MYOF: variants seen among roughly 807,000 people sequenced by gnomAD.
MYOF encodes myoferlin.
In MYOF, 244 loss-of-function variants were observed where a neutral mutation model predicts 284.2. The observed-to-expected ratio is 0.86, with a 90% confidence interval of 0.77 to 0.95. The LOEUF (loss-of-function observed/expected upper bound fraction) is 0.95. MYOF is among the 40% of genes least tolerant of loss of function. The pLI, the probability that MYOF is intolerant of heterozygous loss-of-function variation, is 0.00. For missense variants in MYOF, 2,496 were observed against 2,560.6 expected (o/e 0.97, Z 0.54); for synonymous variants, 904 against 919.7 (o/e 0.98, Z 0.31).
At chr10:93,325,763 T>C in intron 46 of MYOF, 63 bp downstream of exon 46, 1 of 1,529,876 alleles carries the variant, frequency 6.5e-7, no homozygotes, top group Non-Finnish European at 8.8e-7. Context: ...CGCAAAAATG[T>C]CAACTACTGC....
intron 31 of MYOF, among the ~76,000 whole-genome samples, chr10:93,354,663 T>TTCTCTCTCTCTCTCTCTCTCTCTCTC (rs1164929500): frequency 5.0e-5 from 3 of 60,180 alleles, no homozygotes; most frequent in Admixed American, 1.5e-4. Context: ...CACTCACACA[T>TTCTCTCTCTCTCTCTCTCTCTCTCTC]TCACTCTCTC....
At chr10:93,408,084 G>A (rs577164415) in intron 7 of MYOF, among the ~76,000 whole-genome samples, 58 of 152,160 alleles carry the variant, frequency 3.8e-4, no homozygotes, top group Admixed American at 1.2e-3. Context: ...ATATTGCCCA[G>A]GCTGGTCTTG....
rs372347097 is a variant in MYOF at position 93,374,922 on chromosome 10, G to A, written c.2142C>T (p.Asn714=). 2.7e-5 allele frequency: 43 copies of A among 1,613,694 alleles called. 1 individual carries two copies. In the Middle Eastern group the frequency reaches 6.6e-4, roughly 25 times the overall value. ...YTLPLTEGKA[N]VTVLDTQIRK... is the part of the protein sequence containing the mutation. ...GGATCTGAGTATCGAGAACTGTGAC[G>A]TTGGCTTTTCCTTCTGTGAGAGGCA... Residue 714 remains asparagine, a synonymous_variant, in exon 23 of 54, where the codon AAC becomes AAT. Transcript: ENST00000359263.
intron 45 of MYOF, among the ~76,000 whole-genome samples, chr10:93,327,639 C>T (rs1843110195): frequency 6.9e-6 from 1 of 145,522 alleles, no homozygotes; most frequent in African/African-American, 2.6e-5. Flanking sequence ...TGATGCTTCC[C>T]AATTTATTTC....
At position 93,381,209 on chromosome 10, in the gene MYOF, C is replaced by A. The variant is rs773378173; in HGVS notation, c.1876+10G>T. On this transcript the variant is annotated intron_variant, in intron 20 of 53. Transcript: ENST00000359263. ...AAACGTGTGGAGAGAACTGTTAGTG[C>A]CAATCTTACCATCAAATACAGCACG... 6.2e-7 allele frequency: 1 copy of A among 1,613,796 alleles called. No individual in the cohort carries two copies. Among genetic ancestry groups the A allele is most frequent in the South Asian group, 1.1e-5 (1 of 91,026 alleles).
chr10:93,395,440 C>T (rs771862816), intron 16 of MYOF, among the ~76,000 whole-genome samples: 25 of 152,086 alleles, frequency 1.6e-4, no homozygotes, highest in Non-Finnish European at 3.1e-4. Context: ...GAGACTCTAT[C>T]TCAAAAAATA....
chr10:93,481,116 A>G (rs879933974), intron 1 of MYOF, among the ~76,000 whole-genome samples: 113 of 152,206 alleles, frequency 7.4e-4, no homozygotes, highest in Non-Finnish European at 1.0e-3. Flanking sequence ...AAACTAAGTC[A>G]CTTACATCAA....
At chr10:93,422,443 C>A (rs1848392746) in intron 5 of MYOF, among the ~76,000 whole-genome samples, 1 of 152,138 alleles carries the variant, frequency 6.6e-6, no homozygotes, top group Non-Finnish European at 1.5e-5. Flanking sequence ...AGGCTTAAAC[C>A]AAGAGGAAAG....
At chr10:93,406,288 TTATA>T (rs3980375) in intron 7 of MYOF, among the ~76,000 whole-genome samples, 5,296 of 58,118 alleles carry the variant, frequency 0.091, 763 homozygotes, top group Admixed American at 0.13. Flanking sequence ...TAAACCTCTT[TTATA>T]TATATATATA....
chr10:93,461,789 T>A (rs1589606612), intron 1 of MYOF, among the ~76,000 whole-genome samples: 3 of 152,308 alleles, frequency 2.0e-5, no homozygotes, highest in African/African-American at 7.2e-5. Flanking sequence ...ATTTGGCTGA[T>A]ATAAGTACTT....
At chr10:93,425,962 A>T (rs1275082875) in intron 5 of MYOF, 109 bp downstream of exon 5, 13 of 1,125,688 alleles carry the variant, frequency 1.2e-5, no homozygotes, top group Admixed American at 2.2e-5. Context: ...CTGGGTGGGC[A>T]GGGAGCTACA....
chr10:93,481,470 A>G (rs920351845), intron 1 of MYOF, among the ~76,000 whole-genome samples: 2 of 152,210 alleles, frequency 1.3e-5, no homozygotes, highest in Non-Finnish European at 2.9e-5. Context: ...AAGGTCATTC[A>G]GCAGGCAAGA....
chr10:93,342,626 A>C (rs1162590040), intron 38 of MYOF, among the ~76,000 whole-genome samples: 1 of 152,190 alleles, frequency 6.6e-6, no homozygotes, highest in Admixed American at 6.5e-5. Flanking sequence ...AGTGAACGAA[A>C]ATACTGGCAT....
chr10:93,368,044 C>T (rs1325661978), intron 25 of MYOF, among the ~76,000 whole-genome samples: 3 of 150,578 alleles, frequency 2.0e-5, no homozygotes, highest in Non-Finnish European at 4.4e-5. Flanking sequence ...AAGCCCTGGG[C>T]TGGTCGATCA....
chr10:93,407,574 C>CA (rs545711304), intron 7 of MYOF, among the ~76,000 whole-genome samples: 1,422 of 132,750 alleles, frequency 0.011, 15 homozygotes, highest in African/African-American at 0.034. Flanking sequence ...ACTAAAAATA[C>CA]AAAAAAAAAA....
chr10:93,328,013 A>G (rs1223029966), intron 45 of MYOF, among the ~76,000 whole-genome samples: 2 of 151,810 alleles, frequency 1.3e-5, no homozygotes, highest in African/African-American at 4.8e-5. Flanking sequence ...CAAATGATCC[A>G]CCCGACTCGA....
intron 16 of MYOF, 146 bp from the exon 17 acceptor site, chr10:93,393,101 C>A: frequency 1.5e-6 from 1 of 686,180 alleles, no homozygotes. Context: ...CACATATGAC[C>A]CTTTTGTAAT....
At chr10:93,442,943 G>A (rs898629862) in intron 3 of MYOF, among the ~76,000 whole-genome samples, 1 of 152,178 alleles carries the variant, frequency 6.6e-6, no homozygotes, top group African/African-American at 2.4e-5. Flanking sequence ...CGGGTCACAT[G>A]AGGCCAGGAG....
chr10:93,455,687 A>T (rs2056729002), intron 2 of MYOF, among the ~76,000 whole-genome samples: 1 of 152,128 alleles, frequency 6.6e-6, no homozygotes, highest in Non-Finnish European at 1.5e-5. Context: ...AAAAAAACCC[A>T]GAAGGTTCTA....
Sources: allele counts gnomAD v4.1 joint callset (sites outside exome capture counted in the v4.1 genomes callset), GRCh38; gene constraint gnomAD v4.1.1; transcripts MANE v1.5; gene names NCBI Gene and HGNC (gene_info 2026-07-23, HGNC 2026-07-21).